EXT1: variants seen among roughly 807,000 people sequenced by gnomAD.
EXT1 encodes exostosin-1.
EXT1 carries 20 observed loss-of-function variants against 82.5 expected under a neutral mutation model. The ratio of observed to expected loss-of-function variants is 0.24; its 90% CI spans 0.17 to 0.35. EXT1 has a LOEUF of 0.35. EXT1 is among the 10% of genes least tolerant of loss of function. The pLI is 1.00. For missense variants in EXT1, 757 were observed against 936.5 expected, an observed-to-expected ratio of 0.81 and a Z score of 2.50; for synonymous variants, 348 against 350.8, an observed-to-expected ratio of 0.99 and a Z score of 0.09.
chr8:117,999,919 T>C (rs906212538), intron 1 of EXT1, among the ~76,000 whole-genome samples: 1 of 152,082 alleles, frequency 6.6e-6, no homozygotes, highest in Non-Finnish European at 1.5e-5. Context: ...GATTTTTCAC[T>C]ACTTATTTCT....
chr8:118,056,380 T>G (rs1816794318), intron 1 of EXT1, among the ~76,000 whole-genome samples: 1 of 152,210 alleles, frequency 6.6e-6, no homozygotes, highest in South Asian at 2.1e-4. Context: ...CAGCTCCCTG[T>G]GAATCATCTG....
At chr8:117,958,087 C>T (rs1381583489) in intron 1 of EXT1, among the ~76,000 whole-genome samples, 1 of 150,896 alleles carries the variant, frequency 6.6e-6, no homozygotes, top group Non-Finnish European at 1.5e-5. Context: ...AAACTGAATA[C>T]CCACCTCAAG....
At chr8:117,809,218 A>AAT (rs71307404) in intron 8 of EXT1, among the ~76,000 whole-genome samples, 17,677 of 107,858 alleles carry the variant, frequency 0.16, 1,927 homozygotes, top group Middle Eastern at 0.25. Flanking sequence ...TGTGTGTATA[A>AAT]ATATATATAT....
chr8:117,949,479 TACAC>T (rs1197677549), intron 1 of EXT1, among the ~76,000 whole-genome samples: 1 of 149,626 alleles, frequency 6.7e-6, no homozygotes, highest in Non-Finnish European at 1.5e-5. Context: ...TACACACACA[TACAC>T]ACATATACAT....
At chr8:118,098,513 T>C (rs565864123) in intron 1 of EXT1, among the ~76,000 whole-genome samples, 2 of 151,812 alleles carry the variant, frequency 1.3e-5, no homozygotes, top group Non-Finnish European at 1.5e-5. Context: ...TCCCAGCACT[T>C]TGGGAGGCCG....
intron 1 of EXT1, among the ~76,000 whole-genome samples, chr8:118,073,632 A>C (rs970267991): frequency 7.8e-5 from 7 of 89,478 alleles, no homozygotes; most frequent in Non-Finnish European, 6.5e-5. Context: ...AGAGAAGAGA[A>C]AGAAGAGAAG....
chr8:117,995,032 G>A (rs553266196), intron 1 of EXT1, among the ~76,000 whole-genome samples: 14 of 152,288 alleles, frequency 9.2e-5, no homozygotes, highest in African/African-American at 2.9e-4. Context: ...CCAGAGTCAC[G>A]AAGACAAACT....
At chr8:117,825,329 T>C (rs1215874780) in intron 4 of EXT1, among the ~76,000 whole-genome samples, 1 of 152,202 alleles carries the variant, frequency 6.6e-6, no homozygotes, top group East Asian at 1.9e-4. Flanking sequence ...ATCATTTTTT[T>C]CCCTCTGCAA....
intron 1 of EXT1, among the ~76,000 whole-genome samples, chr8:118,014,146 T>C (rs530299342): frequency 1.8e-3 from 269 of 152,332 alleles, no homozygotes; most frequent in African/African-American, 5.8e-3. Context: ...GCTCAACAAA[T>C]GTTAGCCTTC....
At chr8:117,916,710 T>A (rs995545410) in intron 1 of EXT1, among the ~76,000 whole-genome samples, 1 of 151,952 alleles carries the variant, frequency 6.6e-6, no homozygotes, top group African/African-American at 2.4e-5. Context: ...GTGAGGAGTT[T>A]GAGACTAGTC....
chr8:117,841,549 G>A (rs1812274379), intron 1 of EXT1, among the ~76,000 whole-genome samples: 1 of 152,168 alleles, frequency 6.6e-6, no homozygotes, highest in Admixed American at 6.5e-5. Context: ...TCCTAAGCAA[G>A]AAGGTAAGTA....
At position 117,837,186 on chromosome 8, in the gene EXT1, T is replaced by G; in HGVS notation, c.978A>C (p.Glu326Asp). 2.5e-6 allele frequency: 4 copies of G among 1,613,654 alleles called. No homozygotes were observed. The highest frequency in any genetic ancestry group is 3.4e-6 in the Non-Finnish European group (4 of 1,179,710). ...GACAGAAAGTGGCATTGTGCAGCAT[T>G]TCCCGATAATCATACCTAGAAAGAG... ...NTEYEKYDYR[E>D]MLHNATFCLV... Residue 326 changes from glutamate (E) to aspartate (D), a missense_variant, in exon 2 of 11, where the codon GAA (glutamate) becomes GAC (aspartate). This residue lies in a region of EXT1 where 247 missense variants were observed against 330.1 expected (regional missense o/e 0.75). Coordinates refer to ENST00000378204, the MANE Select transcript of EXT1 (RefSeq NM_000127.3).
At chr8:118,031,126 G>A (rs866649704) in intron 1 of EXT1, among the ~76,000 whole-genome samples, 2 of 152,130 alleles carry the variant, frequency 1.3e-5, no homozygotes, top group African/African-American at 4.8e-5. Flanking sequence ...GATGGGGTGT[G>A]GGGGGAACAG....
intron 8 of EXT1, among the ~76,000 whole-genome samples, chr8:117,809,191 A>G (rs1321026099): frequency 7.7e-6 from 1 of 130,164 alleles, no homozygotes. Context: ...GCATGTGTGT[A>G]GGTATATATA....
At chr8:118,008,746 C>T (rs1815833347) in intron 1 of EXT1, among the ~76,000 whole-genome samples, 1 of 151,970 alleles carries the variant, frequency 6.6e-6, no homozygotes, top group African/African-American at 2.4e-5. Flanking sequence ...AAAACCACAG[C>T]TGCAATTAAA....
At chr8:117,820,417 G>A (rs1586996941) in intron 5 of EXT1, among the ~76,000 whole-genome samples, 1 of 152,120 alleles carries the variant, frequency 6.6e-6, no homozygotes, top group Admixed American at 6.5e-5. Flanking sequence ...GTCTGGGCAC[G>A]GTGGCTCACA....
intron 1 of EXT1, among the ~76,000 whole-genome samples, chr8:117,933,751 C>A (rs957413673): frequency 6.6e-6 from 1 of 152,156 alleles, no homozygotes; most frequent in African/African-American, 2.4e-5. Context: ...ACAGGAGGCA[C>A]GGGGCACAGA....
chr8:117,864,981 C>G (rs1338205806), intron 1 of EXT1, among the ~76,000 whole-genome samples: 1 of 151,968 alleles, frequency 6.6e-6, no homozygotes, highest in Admixed American at 6.6e-5. Context: ...GTTCATAACA[C>G]TAGTATTCAT....
chr8:117,843,416 A>C (rs1007471566), intron 1 of EXT1, among the ~76,000 whole-genome samples: 3 of 152,190 alleles, frequency 2.0e-5, no homozygotes, highest in Non-Finnish European at 4.4e-5. Flanking sequence ...GGCCTCCTGG[A>C]GGAAGTGAGA....
Sources: allele counts gnomAD v4.1 joint callset (sites outside exome capture counted in the v4.1 genomes callset), GRCh38; gene constraint gnomAD v4.1.1; regional missense constraint gnomAD v4.1.1; transcripts MANE v1.5; gene names NCBI Gene and HGNC (gene_info 2026-07-23, HGNC 2026-07-21).